Variants in TRIM44 observed in about 807,000 individuals in gnomAD.
TRIM44 encodes the protein tripartite motif containing 44.
Under a neutral mutation model 37.4 loss-of-function variants are expected in TRIM44, and 13 were observed. The ratio of observed to expected loss-of-function variants is 0.35; its 90% CI spans 0.23 to 0.55. The LOEUF is 0.55. Among genes scored for constraint, TRIM44 ranks in the 20% least tolerant of loss-of-function variants. The pLI is 0.89. For synonymous variants in TRIM44, 175 were observed against 157.2 expected (o/e 1.11, Z -0.85); for missense variants, 426 against 437.2 (o/e 0.97, Z 0.23).
At chr11:35,704,584 A>G (rs1388820791) in intron 2 of TRIM44, among the ~76,000 whole-genome samples, 3 of 152,226 alleles carry the variant, frequency 2.0e-5, no homozygotes, top group African/African-American at 7.2e-5. Flanking sequence ...TCTACAAGCC[A>G]GAAGAGAGTG....
At chr11:35,793,389 G>T (rs917051006) in intron 4 of TRIM44, among the ~76,000 whole-genome samples, 1 of 151,990 alleles carries the variant, frequency 6.6e-6, no homozygotes, top group African/African-American at 2.4e-5. Context: ...GCCTGGCATG[G>T]TGGTGTGTGC....
intron 4 of TRIM44, among the ~76,000 whole-genome samples, chr11:35,777,812 T>G (rs1852993198): frequency 6.6e-6 from 1 of 152,240 alleles, no homozygotes; most frequent in African/African-American, 2.4e-5. Context: ...GTAGGGTTTC[T>G]GCCCAGAGAT....
At chr11:35,784,187 T>C (rs1045162877) in intron 4 of TRIM44, among the ~76,000 whole-genome samples, 1 of 152,304 alleles carries the variant, frequency 6.6e-6, no homozygotes, top group East Asian at 1.9e-4. Flanking sequence ...AAATGACCTC[T>C]CTTATGTTTG....
chr11:35,733,550 C>T (rs943342909), intron 3 of TRIM44, among the ~76,000 whole-genome samples: 1 of 152,144 alleles, frequency 6.6e-6, no homozygotes, highest in African/African-American at 2.4e-5. Context: ...TATACCCTCC[C>T]TCTACCACTC....
At chr11:35,725,811 G>A in intron 2 of TRIM44, 113 bp from the exon 3 acceptor site, 4 of 1,151,176 alleles carry the variant, frequency 3.5e-6, no homozygotes, top group Non-Finnish European at 4.9e-6. Flanking sequence ...CAAAACTTTA[G>A]GATTGGATAG....
In TRIM44 at chr11:35,726,018, T is replaced by G; in HGVS notation, c.842T>G (p.Val281Gly). The G allele has an allele frequency of 6.2e-7, 1 of 1,614,124 alleles. No homozygotes were observed. The highest frequency in any genetic ancestry group is 8.5e-7 in the Non-Finnish European group (1 of 1,180,010). Residue 281 changes from valine to glycine, a missense_variant, in exon 3 of 5, where the codon GTG (valine) becomes GGG (glycine). Physicochemically the swap from Val to Gly is moderately radical, Grantham distance 109. Around this residue, in one of 2 missense-constraint regions of TRIM44, gnomAD observed 95 missense variants for 134.2 expected, o/e 0.71. Transcript: ENST00000299413. Reference protein sequence around the residue: ...ADEEQKALHLVDIQEAMATAH... With the variant: ...ADEEQKALHLGDIQEAMATAH... ...GAGGAGCAGAAGGCCCTTCATCTAG[T>G]GGACATCCAAGAGGCAATGGCCACA...
At chr11:35,784,618 G>T (rs541518571) in intron 4 of TRIM44, among the ~76,000 whole-genome samples, 1 of 152,304 alleles carries the variant, frequency 6.6e-6, no homozygotes, top group Admixed American at 6.5e-5. Context: ...ATGTATATAT[G>T]TATATGTATG....
intron 2 of TRIM44, among the ~76,000 whole-genome samples, chr11:35,715,541 T>G (rs1324189052): frequency 6.6e-6 from 1 of 151,946 alleles, no homozygotes; most frequent in Non-Finnish European, 1.5e-5. Flanking sequence ...TTCATGAAGC[T>G]GTTAAGGAAC....
At position 35,726,167 on chromosome 11, in the gene TRIM44, A is replaced by G; in HGVS notation, c.987+4A>G. 6.2e-7 allele frequency: 1 copy of G among 1,613,276 alleles called. No homozygotes were observed. Among genetic ancestry groups the G allele is most frequent in the Non-Finnish European group, 8.5e-7 (1 of 1,179,512 alleles). On this transcript the variant is annotated splice_donor_region_variant and intron_variant, in intron 3 of 4. Transcript: ENST00000299413. ...ATCAGCTGAGCCAAAGGCAGAGGTA[A>G]AGGAAAAGCCCATAATTATTAGTAG... is the stretch of plus-strand genomic sequence containing the variant.
rs949129313 is a variant in TRIM44 at position 35,676,956 on chromosome 11, G to A, written c.670-8303G>A. Among the ~76,000 whole-genome samples, 2 of 152,130 alleles carry A rather than the reference G, an allele frequency of 1.3e-5. 1 individual carries two copies. Among genetic ancestry groups the A allele is most frequent in the Admixed American group, 1.3e-4 (2 of 15,274 alleles). On this transcript the variant is annotated intron_variant, in intron 1 of 4. Coordinates refer to ENST00000299413, the MANE Select transcript of TRIM44 (RefSeq NM_017583.6). ...TTGAGACTGTTGTTGAATTTTGTCTGTTGCTGAATTTTGTTTGAATTTCCA... is the reference window on the plus strand; with the variant it reads ...TTGAGACTGTTGTTGAATTTTGTCTATTGCTGAATTTTGTTTGAATTTCCA...
At chr11:35,668,170 T>C (rs116723117) in intron 1 of TRIM44, among the ~76,000 whole-genome samples, 1,879 of 152,346 alleles carry the variant, frequency 0.012, 47 homozygotes, top group African/African-American at 0.044. Context: ...TTTTTGGTTT[T>C]ACATTTTTTA....
chr11:35,697,522 A>G (rs1348564005), intron 2 of TRIM44, among the ~76,000 whole-genome samples: 2 of 150,150 alleles, frequency 1.3e-5, no homozygotes, highest in Admixed American at 6.7e-5. Flanking sequence ...GTACATATGT[A>G]TACATGTGCC....
intron 4 of TRIM44, among the ~76,000 whole-genome samples, chr11:35,768,241 A>G (rs538320107): frequency 1.3e-5 from 2 of 152,238 alleles, no homozygotes; most frequent in East Asian, 1.9e-4. Flanking sequence ...ATCCCCTGCT[A>G]TGTGGCAGGT....
intron 4 of TRIM44, among the ~76,000 whole-genome samples, chr11:35,743,999 C>T (rs970535767): frequency 6.6e-6 from 1 of 152,074 alleles, no homozygotes; most frequent in Non-Finnish European, 1.5e-5. Flanking sequence ...ATGGTGTGCC[C>T]AGTAAATAAT....
chr11:35,803,152 A>G (rs1487654429), intron 4 of TRIM44, among the ~76,000 whole-genome samples: 1 of 152,194 alleles, frequency 6.6e-6, no homozygotes, highest in African/African-American at 2.4e-5. Flanking sequence ...TTATTAGTTA[A>G]TAACAGGCAT....
Position 35,815,940 on chromosome 11 carries a change from T to A in TRIM44, c.*9555T>A, listed in dbSNP as rs984678483. On this transcript the variant is annotated 3_prime_UTR_variant, in exon 5 of 5. Transcript: ENST00000299413. ...TTTTACAATGACTTACTTCTAATAATCACTGAAACAGCCTCATGAGGACAT... is the reference window on the plus strand; with the variant it reads ...TTTTACAATGACTTACTTCTAATAAACACTGAAACAGCCTCATGAGGACAT... The A allele has an allele frequency of 1.3e-5, 2 of 152,160 alleles. No individual in the cohort carries two copies. The highest frequency in any genetic ancestry group is 2.9e-5 in the Non-Finnish European group (2 of 68,014). The allele number at this position is 152,160 out of a possible 1,614,324, so 9.4% of individuals were successfully genotyped here. A position where few individuals can be genotyped will look rare whatever the true frequency, so the allele number is the denominator to read the frequency against.
intron 4 of TRIM44, among the ~76,000 whole-genome samples, chr11:35,764,891 A>G (rs1274006837): frequency 1.3e-5 from 2 of 152,154 alleles, no homozygotes; most frequent in African/African-American, 4.8e-5. Flanking sequence ...ATGCAGTATG[A>G]GCTCTCTGAA....
intron 1 of TRIM44, among the ~76,000 whole-genome samples, chr11:35,683,340 C>A (rs1301303604): frequency 6.6e-6 from 1 of 152,136 alleles, no homozygotes; most frequent in Non-Finnish European, 1.5e-5. Flanking sequence ...TTGGAGAACA[C>A]ATCTAAAGTA....
At chr11:35,775,936 T>G (rs564468523) in intron 4 of TRIM44, among the ~76,000 whole-genome samples, 1 of 152,284 alleles carries the variant, frequency 6.6e-6, no homozygotes. Flanking sequence ...ATTCTCTTTT[T>G]TTGTTGTGTC....
Sources: allele counts gnomAD v4.1 joint callset (sites outside exome capture counted in the v4.1 genomes callset), GRCh38; gene constraint gnomAD v4.1.1; regional missense constraint gnomAD v4.1.1; transcripts MANE v1.5; gene names NCBI Gene and HGNC (gene_info 2026-07-23, HGNC 2026-07-21).